RYR3: variants seen among roughly 807,000 people sequenced by gnomAD.
RYR3 encodes the protein ryanodine receptor 3, also known as brain ryanodine receptor-calcium release channel.
Under a neutral mutation model 584.3 loss-of-function variants are expected in RYR3, and 207 were observed. That is an observed-to-expected ratio of 0.35 (90% CI 0.32 to 0.40). The LOEUF (loss-of-function observed/expected upper bound fraction) is 0.40. RYR3 is among the 10% of genes least tolerant of loss of function. RYR3 has a pLI of 1.00. For synonymous variants in RYR3, 2,416 were observed against 2,248.5 expected (o/e 1.07, Z -2.11); for missense variants, 5,616 against 6,089.2 (o/e 0.92, Z 2.59).
At chr15:33,723,222 A>G (rs1003972584) in intron 44 of RYR3, among the ~76,000 whole-genome samples, 13 of 152,240 alleles carry the variant, frequency 8.5e-5, no homozygotes, top group Non-Finnish European at 1.5e-4. Flanking sequence ...GTCTAACTTC[A>G]GCATGTTTCC....
intron 27 of RYR3, among the ~76,000 whole-genome samples, chr15:33,643,872 T>G (rs1370392521): frequency 6.6e-6 from 1 of 152,206 alleles, no homozygotes; most frequent in Non-Finnish European, 1.5e-5. Context: ...CCCATCTTTT[T>G]GTTTTTGTGG....
Position 33,316,427 on chromosome 15 carries a change from C to T in RYR3, c.51+5331C>T, listed in dbSNP as rs150320855. Among the ~76,000 whole-genome samples the T allele has an allele frequency of 2.6e-4, 39 of 152,184 alleles. 1 individual carries two copies. In the East Asian group the frequency reaches 5.6e-3, roughly 22 times the overall value. On this transcript the variant is annotated intron_variant, in intron 1 of 103. Transcript: ENST00000634891. Reference sequence around the variant, plus strand: ...CCAGGCGGTCCTAGGTCTTAGGAACCCAATACTTTAGTTAATTTCCCACAA... The same window carrying T: ...CCAGGCGGTCCTAGGTCTTAGGAACTCAATACTTTAGTTAATTTCCCACAA...
At chr15:33,528,138 C>CTTTCTAAGG (rs747272872) in intron 3 of RYR3, among the ~76,000 whole-genome samples, 14 of 152,180 alleles carry the variant, frequency 9.2e-5, no homozygotes, top group Non-Finnish European at 1.6e-4. Context: ...GTCAGGGTTC[C>CTTTCTAAGG]CTTTCTAAGG....
At chr15:33,454,442 G>C (rs562031820) in intron 1 of RYR3, among the ~76,000 whole-genome samples, 2 of 152,240 alleles carry the variant, frequency 1.3e-5, no homozygotes, top group African/African-American at 4.8e-5. Context: ...TTAAACTTAA[G>C]ACCCTGGCCA....
intron 85 of RYR3, 161 bp from the exon 86 acceptor site, chr15:33,830,802 T>C: frequency 1.7e-6 from 1 of 602,458 alleles, no homozygotes; most frequent in African/African-American, 1.9e-5. Flanking sequence ...TGAAAGATCC[T>C]AGAGACCTGG....
chr15:33,318,720 A>G (rs932022016), intron 1 of RYR3, among the ~76,000 whole-genome samples: 6 of 152,214 alleles, frequency 3.9e-5, no homozygotes, highest in African/African-American at 1.4e-4. Flanking sequence ...ACCTTCAGGC[A>G]TTCAGAAGAG....
chr15:33,702,665 A>G (rs116796709), intron 42 of RYR3, among the ~76,000 whole-genome samples: 2,356 of 152,226 alleles, frequency 0.015, 66 homozygotes, highest in African/African-American at 0.054. Context: ...AGCTGCAGAT[A>G]GAGCACACAG....
intron 3 of RYR3, among the ~76,000 whole-genome samples, chr15:33,505,019 A>G (rs920407614): frequency 6.6e-6 from 1 of 152,148 alleles, no homozygotes; most frequent in Non-Finnish European, 1.5e-5. Context: ...CTGTCATTGC[A>G]AGTCTTTTTT....
At chr15:33,371,871 G>A (rs1001891624) in intron 1 of RYR3, among the ~76,000 whole-genome samples, 2 of 152,274 alleles carry the variant, frequency 1.3e-5, no homozygotes, top group Admixed American at 1.3e-4. Context: ...AGAGGAGGGT[G>A]GGCTAAGGCA....
intron 1 of RYR3, among the ~76,000 whole-genome samples, chr15:33,409,035 G>T (rs529255572): frequency 6.6e-6 from 1 of 152,196 alleles, no homozygotes; most frequent in South Asian, 2.1e-4. Context: ...CCTAAATACC[G>T]CTTTCTCATA....
At chr15:33,651,422 C>T (rs1299658282) in intron 31 of RYR3, among the ~76,000 whole-genome samples, 2 of 152,238 alleles carry the variant, frequency 1.3e-5, no homozygotes, top group Admixed American at 6.5e-5. Flanking sequence ...GCTATTTGCA[C>T]TGGCCCCTGC....
At chr15:33,376,702 T>A (rs765436328) in intron 1 of RYR3, among the ~76,000 whole-genome samples, 1 of 152,208 alleles carries the variant, frequency 6.6e-6, no homozygotes, top group Non-Finnish European at 1.5e-5. Context: ...ACTTCATCTG[T>A]CTAAGGTCAC....
intron 102 of RYR3, among the ~76,000 whole-genome samples, chr15:33,863,759 T>G (rs148176514): frequency 5.6e-4 from 85 of 152,344 alleles, no homozygotes; most frequent in African/African-American, 1.9e-3. Flanking sequence ...TTCAATTCAA[T>G]TCTACATTTT....
chr15:33,490,011 CA>C (rs1339105969), intron 2 of RYR3, among the ~76,000 whole-genome samples: 4 of 152,046 alleles, frequency 2.6e-5, no homozygotes, highest in African/African-American at 9.7e-5. Flanking sequence ...CATTTGCAAA[CA>C]AAAAACTTTT....
At chr15:33,637,183 T>C (rs902432766) in intron 27 of RYR3, among the ~76,000 whole-genome samples, 4 of 152,356 alleles carry the variant, frequency 2.6e-5, no homozygotes, top group African/African-American at 9.6e-5. Context: ...CTACATTATG[T>C]ACACAAGACT....
chr15:33,451,389 C>T (rs1026649872), intron 1 of RYR3, among the ~76,000 whole-genome samples: 7 of 151,990 alleles, frequency 4.6e-5, no homozygotes, highest in South Asian at 2.1e-4. Flanking sequence ...ATAAAATGAA[C>T]GGATGAGAGT....
intron 86 of RYR3, among the ~76,000 whole-genome samples, chr15:33,832,357 T>G (rs1402354558): frequency 6.6e-6 from 1 of 151,696 alleles, no homozygotes; most frequent in African/African-American, 2.4e-5. Flanking sequence ...TGTGCTTAAT[T>G]AAGAACCACA....
chr15:33,647,528 T>C, intron 30 of RYR3, 68 bp downstream of exon 30: 1 of 1,131,370 alleles, frequency 8.8e-7, no homozygotes, highest in Non-Finnish European at 1.3e-6. Flanking sequence ...ATATGCCCCT[T>C]ACAGCAAAGA....
chr15:33,633,160 C>T (rs1230726257), intron 24 of RYR3, 52 bp downstream of exon 24: 6 of 1,590,868 alleles, frequency 3.8e-6, no homozygotes, highest in East Asian at 2.2e-5. Flanking sequence ...TATGATCATC[C>T]ACGTGCCGTT....
Sources: gnomAD v4.1 joint callset for allele counts (sites outside exome capture counted in the v4.1 genomes callset) on GRCh38, gnomAD v4.1.1 for gene constraint, MANE v1.5 for transcripts, NCBI Gene and HGNC (gene_info 2026-07-23, HGNC 2026-07-21) for gene names.